Variants in PRLR observed in about 807,000 individuals in gnomAD.
PRLR encodes hPRL receptor.
Under a neutral mutation model 40.2 loss-of-function variants are expected in PRLR, and 13 were observed. That is an observed-to-expected ratio of 0.32 (90% CI 0.21 to 0.51). The LOEUF (loss-of-function observed/expected upper bound fraction) is 0.51. Among genes scored for constraint, PRLR ranks in the 20% least tolerant of loss-of-function variants. The pLI is 0.97. For synonymous variants in PRLR, 269 were observed against 278.7 expected (o/e 0.97, Z 0.35); for missense variants, 656 against 747.3 (o/e 0.88, Z 1.42).
chr5:35,086,360 A>G lies in PRLR; in HGVS notation c.71-20T>C, dbSNP rs1377976009. On this transcript the variant is annotated intron_variant, in intron 3 of 9. Coordinates refer to ENST00000618457, the MANE Select transcript of PRLR (RefSeq NM_000949.7). ...ACTGTCCTAGAAAAAGCCAGAAGCC[A>G]CTGCATCAATATTGAGGTCCATTTA... The G allele has an allele frequency of 1.9e-6, 3 of 1,612,210 alleles. No individual in the cohort carries two copies. The highest frequency in any genetic ancestry group is 2.2e-5 in the East Asian group (1 of 44,824).
At chr5:35,220,324 C>T (rs1327709290) in intron 1 of PRLR, among the ~76,000 whole-genome samples, 1 of 152,162 alleles carries the variant, frequency 6.6e-6, no homozygotes, top group African/African-American at 2.4e-5. Flanking sequence ...TCCTGAACAA[C>T]TCAGACCTTT....
chr5:35,065,899 G>A lies in PRLR; in HGVS notation c.1059C>T (p.Ser353=), dbSNP rs771905334. 4 of 1,614,142 alleles carry A rather than the reference G, an allele frequency of 2.5e-6. No individual in the cohort carries two copies. In the South Asian group the frequency reaches 4.4e-5, roughly 18 times the overall value. ...CAGACAAAAGGGAAGGGCTGTCACAGCTCCCCCGGCCTGAGTCAGTGTCAG... is the reference window on the plus strand; with the variant it reads ...CAGACAAAAGGGAAGGGCTGTCACAACTCCCCCGGCCTGAGTCAGTGTCAG... The part of the protein sequence containing the change: ...LDPDTDSGRG[S]CDSPSLLSEK... The change falls in exon 10 of 10, where the codon AGC becomes AGT. Residue 353 remains serine, a synonymous_variant. Transcript: ENST00000618457.
At chr5:35,160,501 A>G (rs989528074) in intron 1 of PRLR, among the ~76,000 whole-genome samples, 1 of 152,208 alleles carries the variant, frequency 6.6e-6, no homozygotes, top group African/African-American at 2.4e-5. Flanking sequence ...AAATGATAAT[A>G]GCCCCTCCCC....
intron 6 of PRLR, 69 bp downstream of exon 6, chr5:35,072,506 T>C: frequency 6.6e-7 from 1 of 1,508,414 alleles, no homozygotes; most frequent in Non-Finnish European, 9.0e-7. Context: ...GAATGACCTG[T>C]TTTCAGTTGT....
rs147158977 is a variant in PRLR at position 35,214,883 on chromosome 5, A to G, written c.-106+15385T>C. 2.5e-3 allele frequency among the ~76,000 whole-genome samples: 374 copies of G among 152,354 alleles called. 1 individual carries two copies. Among genetic ancestry groups the G allele is most frequent in the African/African-American group, 8.5e-3 (354 of 41,582 alleles). ...AAGTATGCACACAAATAACAATGCC[A>G]TCTTAAAAATTTATAGAAACAAGGT... On this transcript the variant is annotated intron_variant, in intron 1 of 9. Transcript: ENST00000618457.
At position 35,111,213 on chromosome 5, in the gene PRLR, C is replaced by T. The variant is rs1204569290; in HGVS notation, c.-44+6848G>A. 2.0e-5 allele frequency among the ~76,000 whole-genome samples: 3 copies of T among 152,114 alleles called. No individual in the cohort carries two copies. The East Asian group carries it at 5.8e-4, about 29-fold the overall frequency. ...AATATGTGATTGAGGGAGGTAATGC[C>T]TTTTCCATCTTGGATGGTTTAAAAA... On this transcript the variant is annotated intron_variant, in intron 2 of 9. Transcript: ENST00000618457.
chr5:35,140,099 A>G (rs1192585040), intron 1 of PRLR, among the ~76,000 whole-genome samples: 1 of 152,154 alleles, frequency 6.6e-6, no homozygotes, highest in Non-Finnish European at 1.5e-5. Flanking sequence ...CTCCATCCCA[A>G]CTTCTGAGCA....
intron 1 of PRLR, among the ~76,000 whole-genome samples, chr5:35,156,185 C>G (rs1286654138): frequency 6.6e-6 from 1 of 150,998 alleles, no homozygotes; most frequent in Admixed American, 6.6e-5. Flanking sequence ...TGATTTCCCT[C>G]TCTCTCTCAT....
At chr5:35,069,952 G>T (rs1298319796) in intron 7 of PRLR, among the ~76,000 whole-genome samples, 172 bp downstream of exon 7, 2 of 152,222 alleles carry the variant, frequency 1.3e-5, no homozygotes, top group Admixed American at 1.3e-4. Flanking sequence ...CAGTAATCCA[G>T]GGTGCAATGC....
chr5:35,225,521 C>T (rs944113018), intron 1 of PRLR, among the ~76,000 whole-genome samples: 5 of 152,050 alleles, frequency 3.3e-5, no homozygotes, highest in Admixed American at 6.6e-5. Context: ...TGCTATTCAA[C>T]GGAAATATCA....
At chr5:35,118,543 G>A (rs1004321387) in intron 1 of PRLR, among the ~76,000 whole-genome samples, 2 of 152,094 alleles carry the variant, frequency 1.3e-5, no homozygotes, top group African/African-American at 2.4e-5. Flanking sequence ...AATAATTAAC[G>A]TAGGAAAATT....
Position 35,060,254 on chromosome 5 carries a change from T to C in PRLR, c.*4835A>G, listed in dbSNP as rs1200522504. 2 of 152,178 alleles carry C rather than the reference T, an allele frequency of 1.3e-5. No homozygotes were observed. The highest frequency in any genetic ancestry group is 3.9e-4 in the East Asian group (2 of 5,192). The allele number at this position is 152,178 out of a possible 1,614,324, so 9.4% of individuals were successfully genotyped here. A position where few individuals can be genotyped will look rare whatever the true frequency, so the allele number is the denominator to read the frequency against. On this transcript the variant is annotated 3_prime_UTR_variant, in exon 10 of 10. Transcript: ENST00000618457. ...ATAATTTCATTTCTTGTGGATCCTA[T>C]GGTTGCTACTAACTCTTAGGAAAAT...
Position 35,086,793 on chromosome 5 carries a change from C to T in PRLR, c.71-453G>A, listed in dbSNP as rs116235490. Among the ~76,000 whole-genome samples, 850 of 152,110 alleles carry T rather than the reference C, an allele frequency of 5.6e-3. 5 individuals are homozygous for T. The highest frequency in any genetic ancestry group is 0.018 in the African/African-American group (760 of 41,476). ...GAATCCTTCCCAGGTATGAGCAATCCGCAGACACTCTGGCAAAACACCGCT... is the reference window on the plus strand; with the variant it reads ...GAATCCTTCCCAGGTATGAGCAATCTGCAGACACTCTGGCAAAACACCGCT... On this transcript the variant is annotated intron_variant, in intron 3 of 9. Coordinates refer to ENST00000618457, the MANE Select transcript of PRLR (RefSeq NM_000949.7).
rs1290544907 is a variant in PRLR at position 35,061,349 on chromosome 5, G to C, written c.*3740C>G. The stretch of plus-strand genomic sequence containing the variant: ...GGACACTTGAGGAAAGAGAAAGCCA[G>C]AGTTTCCCCAGAGCTAAACTGCAAC... On this transcript the variant is annotated 3_prime_UTR_variant, in exon 10 of 10. Transcript: ENST00000618457. 2 of 152,200 alleles carry C rather than the reference G, an allele frequency of 1.3e-5. No homozygotes were observed. The highest frequency in any genetic ancestry group is 6.5e-5 in the Admixed American group (1 of 15,276). The allele number at this position is 152,200 out of a possible 1,614,324, so 9.4% of individuals were successfully genotyped here. A position where few individuals can be genotyped will look rare whatever the true frequency, so the allele number is the denominator to read the frequency against.
At chr5:35,128,456 G>C (rs935968865) in intron 1 of PRLR, among the ~76,000 whole-genome samples, 1 of 151,604 alleles carries the variant, frequency 6.6e-6, no homozygotes, top group Non-Finnish European at 1.5e-5. Flanking sequence ...TATGTAAATA[G>C]CAAGTGAATA....
At chr5:35,053,315 T>C (rs181839159), downstream of PRLR, among the ~76,000 whole-genome samples, 2 of 152,326 alleles carry the variant, frequency 1.3e-5, no homozygotes, top group African/African-American at 4.8e-5. Context: ...TATAAGAATG[T>C]TAATTAGAGT....
At chr5:35,219,382 T>A (rs546202890) in intron 1 of PRLR, among the ~76,000 whole-genome samples, 1 of 152,314 alleles carries the variant, frequency 6.6e-6, no homozygotes, top group East Asian at 1.9e-4. Flanking sequence ...AGTTTCCTCA[T>A]CTATAAAATG....
intron 6 of PRLR, 57 bp downstream of exon 6, chr5:35,072,518 A>G (rs57717665): frequency 0.06 from 92,868 of 1,540,488 alleles, 4,220 homozygotes; most frequent in African/African-American, 0.23. Context: ...TTCAGTTGTG[A>G]GGGCTTTATC....
chr5:35,064,132 A>AG lies in PRLR; in HGVS notation c.*956_*957insC, dbSNP rs1769204238. 6.6e-6 allele frequency: 1 copy of AG among 152,226 alleles called. No homozygotes were observed. Among genetic ancestry groups the AG allele is most frequent in the African/African-American group, 2.4e-5 (1 of 41,454 alleles). 9.4% of individuals were successfully genotyped at this position (152,226 alleles called of 1,614,324 possible). ...GAATACATAAACAGCTGTACTGGGA[A>AG]AATAGAAAATAGTCTTTTATTTTAC... On this transcript the variant is annotated 3_prime_UTR_variant, in exon 10 of 10. Coordinates refer to ENST00000618457, the MANE Select transcript of PRLR (RefSeq NM_000949.7).
Sources: gnomAD v4.1 joint callset for allele counts (sites outside exome capture counted in the v4.1 genomes callset) on GRCh38, gnomAD v4.1.1 for gene constraint, MANE v1.5 for transcripts, NCBI Gene and HGNC (gene_info 2026-07-23, HGNC 2026-07-21) for gene names.